CHST11: variants seen among roughly 807,000 people sequenced by gnomAD.
The protein encoded by CHST11 is carbohydrate sulfotransferase 11.
A neutral mutation model predicts 30.4 loss-of-function variants in CHST11; 9 were observed. The ratio of observed to expected loss-of-function variants is 0.30; its 90% CI spans 0.18 to 0.52. CHST11 has a LOEUF of 0.52. Ranked by LOEUF, CHST11 falls within the 20% of genes least tolerant of loss-of-function variation. The pLI is 0.97. For missense variants in CHST11, 348 were observed against 460.6 expected (o/e 0.76, Z 2.24); for synonymous variants, 152 against 187.8 (o/e 0.81, Z 1.56).
intron 1 of CHST11, among the ~76,000 whole-genome samples, chr12:104,460,319 T>G (rs1368393768): frequency 6.6e-6 from 1 of 151,956 alleles, no homozygotes; most frequent in Non-Finnish European, 1.5e-5. Flanking sequence ...GCAAAAGCAA[T>G]GGGTTCCAGG....
chr12:104,575,139 G>A (rs750803314), intron 1 of CHST11, among the ~76,000 whole-genome samples: 109 of 152,054 alleles, frequency 7.2e-4, no homozygotes, highest in Non-Finnish European at 1.1e-3. Flanking sequence ...GTTGCAGTGA[G>A]CCGAGACTGT....
intron 1 of CHST11, among the ~76,000 whole-genome samples, chr12:104,507,875 C>A (rs2037921905): frequency 6.6e-6 from 1 of 152,190 alleles, no homozygotes; most frequent in Admixed American, 6.5e-5. Context: ...TTGGCCACAG[C>A]AAGTCACATG....
intron 2 of CHST11, among the ~76,000 whole-genome samples, chr12:104,703,003 C>T (rs2040002224): frequency 1.3e-5 from 2 of 152,136 alleles, no homozygotes; most frequent in Admixed American, 6.5e-5. Flanking sequence ...GCCCCACAGC[C>T]CCACACCCAC....
chr12:104,512,594 A>G (rs75014895), intron 1 of CHST11, among the ~76,000 whole-genome samples: 12,849 of 152,194 alleles, frequency 0.084, 1,058 homozygotes, highest in African/African-American at 0.22. Flanking sequence ...CTGGTTTGGG[A>G]AACTAATTAT....
At chr12:104,572,563 C>T (rs562366059) in intron 1 of CHST11, among the ~76,000 whole-genome samples, 1 of 151,804 alleles carries the variant, frequency 6.6e-6, no homozygotes, top group South Asian at 2.1e-4. Context: ...TGGTGATATC[C>T]CCTTTATCAT....
chr12:104,587,269 A>G (rs1045043069), intron 1 of CHST11, among the ~76,000 whole-genome samples: 3 of 152,234 alleles, frequency 2.0e-5, no homozygotes, highest in African/African-American at 7.2e-5. Context: ...GGTGGCCTTT[A>G]ATTAATATTT....
At chr12:104,660,727 G>T (rs1470785693) in intron 2 of CHST11, among the ~76,000 whole-genome samples, 2 of 152,154 alleles carry the variant, frequency 1.3e-5, no homozygotes, top group African/African-American at 2.4e-5. Context: ...CCCAGCTCTT[G>T]TAAAGGGGTG....
Position 104,532,301 on chromosome 12 carries a change from C to T in CHST11, c.119-69605C>T, listed in dbSNP as rs142815031. On this transcript the variant is annotated intron_variant, in intron 1 of 2. Transcript: ENST00000303694. ...TTTCACTCCAAGGTCTAGTTCACAG[C>T]CCTTTTGTGATGATTCCCACCCCCA... Among the ~76,000 whole-genome samples, 289 of 152,270 alleles carry T rather than the reference C, an allele frequency of 1.9e-3. No individual in the cohort carries two copies. The Middle Eastern group carries it at 0.024, about 13-fold the overall frequency.
chr12:104,464,550 T>C (rs7953927), intron 1 of CHST11, among the ~76,000 whole-genome samples: 106,497 of 151,890 alleles, frequency 0.7, 39,311 homozygotes, highest in East Asian at 0.99. Context: ...ATTGCCCAGG[T>C]TGGAGTGTAG....
chr12:104,654,547 C>A (rs886894824), intron 2 of CHST11, among the ~76,000 whole-genome samples: 1 of 152,128 alleles, frequency 6.6e-6, no homozygotes, highest in Non-Finnish European at 1.5e-5. Flanking sequence ...TGGTAATACA[C>A]AGCACAGAGT....
chr12:104,510,712 A>G (rs561996896), intron 1 of CHST11, among the ~76,000 whole-genome samples: 1 of 152,250 alleles, frequency 6.6e-6, no homozygotes, highest in African/African-American at 2.4e-5. Context: ...TTGGCAGACA[A>G]AGCCTTCCCT....
chr12:104,522,442 T>C (rs2135988956), intron 1 of CHST11, among the ~76,000 whole-genome samples: 1 of 152,258 alleles, frequency 6.6e-6, no homozygotes, highest in Middle Eastern at 3.4e-3. Flanking sequence ...AAGACAGCCT[T>C]TTGCCTGATG....
chr12:104,463,523 A>G (rs1023996637), intron 1 of CHST11, among the ~76,000 whole-genome samples: 1 of 152,162 alleles, frequency 6.6e-6, no homozygotes, highest in African/African-American at 2.4e-5. Context: ...TCTGTGCCAG[A>G]TACTGTTCTT....
intron 2 of CHST11, among the ~76,000 whole-genome samples, chr12:104,628,832 G>C (rs887872802): frequency 6.6e-6 from 1 of 152,172 alleles, no homozygotes; most frequent in Non-Finnish European, 1.5e-5. Flanking sequence ...CTCTCTTTGA[G>C]AGCCCTTTGC....
chr12:104,689,322 A>T (rs553202870), intron 2 of CHST11, among the ~76,000 whole-genome samples: 2 of 152,228 alleles, frequency 1.3e-5, no homozygotes, highest in African/African-American at 4.8e-5. Context: ...ATCGAAATAC[A>T]GTGGAAGCTT....
chr12:104,524,330 T>C (rs537867580), intron 1 of CHST11, among the ~76,000 whole-genome samples: 3 of 152,154 alleles, frequency 2.0e-5, no homozygotes, highest in Non-Finnish European at 4.4e-5. Flanking sequence ...GGGAAGGCGA[T>C]AGTTCAGTAG....
At chr12:104,724,977 A>G (rs1214141643) in intron 2 of CHST11, among the ~76,000 whole-genome samples, 1 of 152,142 alleles carries the variant, frequency 6.6e-6, no homozygotes, top group Non-Finnish European at 1.5e-5. Flanking sequence ...GCAACCCAGG[A>G]GTGGAATTCT....
At chr12:104,644,016 A>C (rs148817812) in intron 2 of CHST11, among the ~76,000 whole-genome samples, 1 of 152,190 alleles carries the variant, frequency 6.6e-6, no homozygotes, top group Non-Finnish European at 1.5e-5. Flanking sequence ...TGCCTTTGCT[A>C]TCTGCTAGTG....
intron 2 of CHST11, among the ~76,000 whole-genome samples, chr12:104,650,192 C>G (rs578240656): frequency 6.6e-6 from 1 of 152,322 alleles, no homozygotes; most frequent in East Asian, 1.9e-4. Context: ...CTTCTCTGGT[C>G]TATATCCTTT....
Sources: gnomAD v4.1 joint callset for allele counts (sites outside exome capture counted in the v4.1 genomes callset) on GRCh38, gnomAD v4.1.1 for gene constraint, MANE v1.5 for transcripts, NCBI Gene and HGNC (gene_info 2026-07-23, HGNC 2026-07-21) for gene names.